The following MAN1A1 variants were observed in gnomAD, a reference collection of about 807,000 sequenced individuals.
MAN1A1 encodes the protein mannosyl-oligosaccharide 1,2-alpha-mannosidase IA.
Under a neutral mutation model 70.8 loss-of-function variants are expected in MAN1A1, and 29 were observed. The observed-to-expected ratio is 0.41, with a 90% CI of 0.31 to 0.56. The LOEUF is 0.56. Ranked by LOEUF, MAN1A1 falls within the 20% of genes least tolerant of loss-of-function variation. MAN1A1 has a pLI of 0.29. For synonymous variants in MAN1A1, 349 were observed against 330.1 expected, an observed-to-expected ratio of 1.06 and a Z score of -0.62; for missense variants, 747 against 841.3, an observed-to-expected ratio of 0.89 and a Z score of 1.39.
chr6:119,206,648 T>C (rs188316517), intron 6 of MAN1A1, among the ~76,000 whole-genome samples: 60 of 152,326 alleles, frequency 3.9e-4, no homozygotes, highest in African/African-American at 1.4e-3. Flanking sequence ...AGTTGGCTTA[T>C]AAAAAAGAAT....
chr6:119,308,170 T>TA (rs1325557927), intron 2 of MAN1A1, among the ~76,000 whole-genome samples: 1 of 152,114 alleles, frequency 6.6e-6, no homozygotes, highest in East Asian at 1.9e-4. Flanking sequence ...GTTTGGAAGT[T>TA]AAAAAACAAC....
chr6:119,230,652 A>C (rs2114279743), intron 6 of MAN1A1, among the ~76,000 whole-genome samples: 1 of 152,310 alleles, frequency 6.6e-6, no homozygotes, highest in African/African-American at 2.4e-5. Flanking sequence ...CTAGACTATA[A>C]ACTCTGTGAG....
chr6:119,228,749 AAAAT>A (rs746861246), intron 6 of MAN1A1, among the ~76,000 whole-genome samples: 23 of 152,292 alleles, frequency 1.5e-4, no homozygotes, highest in Non-Finnish European at 2.6e-4. Context: ...TCCATAAATG[AAAAT>A]AAATAGTTAT....
intron 6 of MAN1A1, among the ~76,000 whole-genome samples, chr6:119,224,377 G>A (rs943167517): frequency 2.0e-5 from 3 of 152,150 alleles, no homozygotes; most frequent in Non-Finnish European, 2.9e-5. Flanking sequence ...TACAAAATTT[G>A]CCAAAATCCT....
chr6:119,318,227 T>C (rs1772907714), intron 2 of MAN1A1, among the ~76,000 whole-genome samples: 1 of 152,232 alleles, frequency 6.6e-6, no homozygotes, highest in African/African-American at 2.4e-5. Context: ...TAGCATTTAC[T>C]GAACACTTAC....
chr6:119,336,268 C>T (rs990516992), intron 2 of MAN1A1, among the ~76,000 whole-genome samples: 1 of 152,164 alleles, frequency 6.6e-6, no homozygotes, highest in Admixed American at 6.5e-5. Flanking sequence ...CAGGGTTTTA[C>T]CACGTTGGCC....
upstream of MAN1A1, chr6:119,349,762 A>G (rs1773853444): frequency 1.0e-6 from 1 of 985,192 alleles, no homozygotes. Flanking sequence ...CGCGAGCACT[A>G]ATCTCACTGC....
At chr6:119,335,556 C>T (rs965752864) in intron 2 of MAN1A1, among the ~76,000 whole-genome samples, 7 of 152,160 alleles carry the variant, frequency 4.6e-5, no homozygotes, top group Non-Finnish European at 1.0e-4. Flanking sequence ...AAGGTGTCCC[C>T]ACTTCTAGGG....
At chr6:119,210,248 T>C (rs759820652) in intron 6 of MAN1A1, among the ~76,000 whole-genome samples, 18 of 152,206 alleles carry the variant, frequency 1.2e-4, no homozygotes, top group Non-Finnish European at 2.6e-4. Context: ...ATCTTTTGGG[T>C]AAGATCTCCT....
At chr6:119,290,302 TA>T (rs1030383527) in intron 5 of MAN1A1, among the ~76,000 whole-genome samples, 5 of 152,016 alleles carry the variant, frequency 3.3e-5, no homozygotes, top group African/African-American at 4.8e-5. Context: ...TTTATTCATT[TA>T]AAAAAGTTTT....
intron 2 of MAN1A1, among the ~76,000 whole-genome samples, chr6:119,307,641 A>G (rs1368755625): frequency 6.6e-6 from 1 of 152,110 alleles, no homozygotes; most frequent in Non-Finnish European, 1.5e-5. Flanking sequence ...CCTAATTCAG[A>G]GTCTACACAC....
chr6:119,181,099 A>G (rs1371851530), intron 11 of MAN1A1, among the ~76,000 whole-genome samples: 1 of 152,130 alleles, frequency 6.6e-6, no homozygotes, highest in Non-Finnish European at 1.5e-5. Flanking sequence ...CTTTTATTAA[A>G]CCACAGCCAT....
intron 6 of MAN1A1, among the ~76,000 whole-genome samples, chr6:119,215,652 A>C (rs1774179509): frequency 6.6e-6 from 1 of 152,234 alleles, no homozygotes; most frequent in Non-Finnish European, 1.5e-5. Context: ...GGTTGGGATG[A>C]GTTCCTTCTT....
intron 2 of MAN1A1, among the ~76,000 whole-genome samples, chr6:119,329,249 G>T (rs1186797788): frequency 1.3e-5 from 2 of 152,152 alleles, no homozygotes; most frequent in Non-Finnish European, 2.9e-5. Flanking sequence ...AAACTTATTG[G>T]CTATGTAAAC....
chr6:119,186,231 G>A (rs1773288631), intron 11 of MAN1A1, among the ~76,000 whole-genome samples: 1 of 152,148 alleles, frequency 6.6e-6, no homozygotes. Context: ...TTGGGTTGAT[G>A]AGGAACAGCT....
At position 119,177,797 on chromosome 6, in the gene MAN1A1, T is replaced by G. The variant is rs964979564; in HGVS notation, c.*2022A>C. 1.3e-5 allele frequency: 2 copies of G among 152,108 alleles called. No homozygotes were observed. The highest frequency in any genetic ancestry group is 1.5e-5 in the Non-Finnish European group (1 of 67,948). 9.4% of individuals were successfully genotyped at this position (152,108 alleles called of 1,614,324 possible). On this transcript the variant is annotated 3_prime_UTR_variant, in exon 13 of 13. Transcript: ENST00000368468. Reference sequence around the variant, plus strand: ...ACCAGGACACCAAGGTACCTCATAGTGCAGTGTGTACACACAACCTGATTT... The same window carrying G: ...ACCAGGACACCAAGGTACCTCATAGGGCAGTGTGTACACACAACCTGATTT...
chr6:119,344,256 A>G (rs982324699), intron 2 of MAN1A1, among the ~76,000 whole-genome samples: 1 of 152,246 alleles, frequency 6.6e-6, no homozygotes, highest in Non-Finnish European at 1.5e-5. Context: ...AGTTGCCTTG[A>G]TAAGAGGAAG....
chr6:119,204,996 C>T (rs192156517), intron 6 of MAN1A1, 114 bp from the exon 7 acceptor site: 833 of 1,053,006 alleles, frequency 7.9e-4, no homozygotes, highest in Non-Finnish European at 1.0e-3. Context: ...AGCTAATAGT[C>T]CACTCTAGAT....
intron 6 of MAN1A1, among the ~76,000 whole-genome samples, chr6:119,215,096 G>A (rs945876296): frequency 1.3e-5 from 2 of 151,850 alleles, no homozygotes; most frequent in Non-Finnish European, 1.5e-5. Context: ...TATACCTAAT[G>A]TTAAATGACG....
Sources: gnomAD v4.1 joint callset for allele counts (sites outside exome capture counted in the v4.1 genomes callset) on GRCh38, gnomAD v4.1.1 for gene constraint, MANE v1.5 for transcripts, NCBI Gene and HGNC (gene_info 2026-07-23, HGNC 2026-07-21) for gene names.